The following GRB14 variants were observed in gnomAD, a reference collection of about 807,000 sequenced individuals.
The protein encoded by GRB14 is growth factor receptor bound protein 14, also known as growth factor receptor-bound protein 14.
Under a neutral mutation model 69.1 loss-of-function variants are expected in GRB14, and 38 were observed. That is an observed-to-expected ratio of 0.55 (90% CI 0.42 to 0.72). GRB14 has a LOEUF of 0.72. Among genes scored for constraint, GRB14 ranks in the 30% least tolerant of loss-of-function variants. GRB14 has a pLI of 0.00. For synonymous variants in GRB14, 247 were observed against 241.3 expected (o/e 1.02, Z -0.22); for missense variants, 666 against 666.1 (o/e 1.00, Z 0.00).
intron 6 of GRB14, among the ~76,000 whole-genome samples, chr2:164,519,197 AG>A (rs1343352010): frequency 6.6e-6 from 1 of 152,170 alleles, no homozygotes; most frequent in Non-Finnish European, 1.5e-5. Flanking sequence ...TATATATCAG[AG>A]ATGGAGGGAT....
chr2:164,511,649 G>C (rs1054150839), intron 6 of GRB14, among the ~76,000 whole-genome samples: 13 of 152,290 alleles, frequency 8.5e-5, no homozygotes, highest in African/African-American at 2.9e-4. Context: ...TCCTAAGATA[G>C]ATCCTAAGAC....
intron 8 of GRB14, among the ~76,000 whole-genome samples, chr2:164,505,474 C>T (rs1305906931): frequency 6.6e-6 from 1 of 152,144 alleles, no homozygotes; most frequent in East Asian, 1.9e-4. Context: ...CAGCATCAAA[C>T]CTTGCACACG....
In GRB14 at chr2:164,553,561, T is replaced by TA. The variant is rs1180795310; in HGVS notation, c.325-5746dup. Among the ~76,000 whole-genome samples, 8 of 152,366 alleles carry TA rather than the reference T, an allele frequency of 5.3e-5. No individual in the cohort carries two copies. The East Asian group carries it at 1.5e-3, about 29-fold the overall frequency. ...ATATTTAGGTTGATATTCCACGCAG[T>TA]AAATCTCTGTCATCTCTTAGATATA... On this transcript the variant is annotated intron_variant, in intron 2 of 13. Coordinates refer to ENST00000263915, the MANE Select transcript of GRB14 (RefSeq NM_004490.3).
At chr2:164,531,094 CTT>C (rs1197094934) in intron 3 of GRB14, among the ~76,000 whole-genome samples, 2 of 152,288 alleles carry the variant, frequency 1.3e-5, no homozygotes, top group Non-Finnish European at 1.5e-5. Flanking sequence ...AAAGAAAGTA[CTT>C]GAGGAAGACA....
chr2:164,563,551 C>A (rs1688888605), intron 2 of GRB14, among the ~76,000 whole-genome samples: 1 of 152,184 alleles, frequency 6.6e-6, no homozygotes, highest in South Asian at 2.1e-4. Context: ...TGTGCAAAGA[C>A]TGTAAACAGG....
At chr2:164,619,543 C>T in intron 2 of GRB14, 144 bp downstream of exon 2, 3 of 584,882 alleles carry the variant, frequency 5.1e-6, no homozygotes, top group African/African-American at 1.9e-5. Flanking sequence ...GAAAATAATG[C>T]CAAAGGACCA....
chr2:164,602,091 A>C (rs1470564216), intron 2 of GRB14, among the ~76,000 whole-genome samples: 1 of 151,664 alleles, frequency 6.6e-6, no homozygotes, highest in Non-Finnish European at 1.5e-5. Flanking sequence ...CTATTTATAA[A>C]ACAAAACACT....
At chr2:164,616,429 A>C (rs958376499) in intron 2 of GRB14, among the ~76,000 whole-genome samples, 2 of 149,730 alleles carry the variant, frequency 1.3e-5, no homozygotes, top group African/African-American at 4.9e-5. Context: ...CCGTCTCAAA[A>C]AAAAAAAAAA....
chr2:164,612,166 A>G (rs951428768), intron 2 of GRB14, among the ~76,000 whole-genome samples: 2 of 152,212 alleles, frequency 1.3e-5, no homozygotes, highest in African/African-American at 4.8e-5. Context: ...GGTACACGCA[A>G]TGTTGTAAGA....
intron 2 of GRB14, among the ~76,000 whole-genome samples, chr2:164,576,294 G>A (rs534139128): frequency 6.6e-6 from 1 of 151,164 alleles, no homozygotes; most frequent in Admixed American, 6.6e-5. Flanking sequence ...GAATTAAAAA[G>A]TAGGTATAAA....
At chr2:164,515,257 C>T (rs191383406) in intron 6 of GRB14, among the ~76,000 whole-genome samples, 2 of 152,328 alleles carry the variant, frequency 1.3e-5, no homozygotes, top group Non-Finnish European at 2.9e-5. Context: ...CCAACCAACA[C>T]AAAACGAGCA....
chr2:164,569,532 T>G (rs1010722182), intron 2 of GRB14, among the ~76,000 whole-genome samples: 2 of 152,210 alleles, frequency 1.3e-5, no homozygotes, highest in African/African-American at 4.8e-5. Context: ...ACAATGTGGT[T>G]GTTGTAGTAA....
chr2:164,566,651 C>G (rs921775235), intron 2 of GRB14, among the ~76,000 whole-genome samples: 2 of 152,048 alleles, frequency 1.3e-5, no homozygotes, highest in African/African-American at 2.4e-5. Flanking sequence ...TTTCCCATAA[C>G]CAATTTCCCC....
chr2:164,502,449 C>G (rs1040944721), intron 8 of GRB14, 114 bp from the exon 9 acceptor site: 2 of 654,482 alleles, frequency 3.1e-6, no homozygotes, highest in African/African-American at 3.6e-5. Flanking sequence ...TTAAAGCAAA[C>G]AAGTAAAGCA....
intron 2 of GRB14, among the ~76,000 whole-genome samples, chr2:164,592,711 C>T (rs1021927612): frequency 6.6e-6 from 1 of 152,214 alleles, no homozygotes; most frequent in Admixed American, 6.5e-5. Context: ...TAAGACTTCT[C>T]TCTCTGCTTA....
intron 3 of GRB14, among the ~76,000 whole-genome samples, chr2:164,544,239 C>T (rs944957208): frequency 1.3e-5 from 2 of 152,104 alleles, no homozygotes; most frequent in African/African-American, 2.4e-5. Context: ...AATTAATTCC[C>T]AGTGTTCCAC....
chr2:164,558,002 G>A (rs976998250), intron 2 of GRB14, among the ~76,000 whole-genome samples: 6 of 152,258 alleles, frequency 3.9e-5, no homozygotes, highest in South Asian at 2.1e-4. Context: ...ACTTGGCACA[G>A]AAGGGAAGTT....
At chr2:164,527,518 C>T (rs1269228959) in intron 3 of GRB14, among the ~76,000 whole-genome samples, 1 of 151,482 alleles carries the variant, frequency 6.6e-6, no homozygotes, top group African/African-American at 2.4e-5. Flanking sequence ...CATCATGGTG[C>T]CAAAACTAAA....
intron 3 of GRB14, among the ~76,000 whole-genome samples, chr2:164,545,120 T>C (rs998129970): frequency 2.6e-5 from 4 of 152,216 alleles, no homozygotes; most frequent in South Asian, 2.1e-4. Context: ...CTAATGACTA[T>C]GTATAAAATT....
Sources: gnomAD v4.1 joint callset for allele counts (sites outside exome capture counted in the v4.1 genomes callset) on GRCh38, gnomAD v4.1.1 for gene constraint, MANE v1.5 for transcripts, NCBI Gene and HGNC (gene_info 2026-07-23, HGNC 2026-07-21) for gene names.